AFF2: variants seen among roughly 807,000 people sequenced by gnomAD.
The protein encoded by AFF2 is ALF transcription elongation factor 2.
A neutral mutation model predicts 76.9 loss-of-function variants in AFF2; 14 were observed. The observed-to-expected ratio is 0.18, with a 90% CI of 0.12 to 0.28. The LOEUF (loss-of-function observed/expected upper bound fraction) is 0.28, where lower values mean the gene tolerates loss of function less well. Ranked by LOEUF, AFF2 falls within the 10% of genes least tolerant of loss-of-function variation. The pLI is 1.00. For synonymous variants in AFF2, 398 were observed against 366.7 expected, an observed-to-expected ratio of 1.09 and a Z score of -0.98; for missense variants, 868 against 1,001.1, an observed-to-expected ratio of 0.87 and a Z score of 1.79.
chrX:148,901,404 T>C (rs2071353294), intron 8 of AFF2, among the ~76,000 whole-genome samples: 1 of 112,572 alleles, frequency 8.9e-6, no homozygotes, highest in Admixed American at 9.4e-5. Flanking sequence ...ATAGACGTTA[T>C]AAATTAAAGC....
chrX:148,940,830 G>A (rs1265069412), intron 9 of AFF2, among the ~76,000 whole-genome samples: 2 of 111,525 alleles, frequency 1.8e-5, no homozygotes, highest in African/African-American at 6.5e-5. Flanking sequence ...TATCAAATGA[G>A]TTCCCCTAAC....
At chrX:148,635,117 G>A (rs2054017985) in intron 1 of AFF2, among the ~76,000 whole-genome samples, 1 of 111,224 alleles carries the variant, frequency 9.0e-6, no homozygotes, top group South Asian at 3.8e-4. Flanking sequence ...AACACAAAAG[G>A]GACTTTGCAG....
chrX:148,772,573 T>C (rs1374952458), intron 3 of AFF2, among the ~76,000 whole-genome samples: 2 of 102,315 alleles, frequency 2.0e-5, no homozygotes, highest in African/African-American at 7.1e-5. Flanking sequence ...GAGCCCCCTA[T>C]GATTTTCAGG....
At chrX:148,772,933 A>G (rs1365043043) in intron 3 of AFF2, among the ~76,000 whole-genome samples, 1 of 111,076 alleles carries the variant, frequency 9.0e-6, no homozygotes, top group Non-Finnish European at 1.9e-5. Flanking sequence ...GGAACAACAC[A>G]CACCAGGACC....
intron 7 of AFF2, among the ~76,000 whole-genome samples, chrX:148,880,061 C>G (rs1355983377): frequency 8.9e-6 from 1 of 112,260 alleles, no homozygotes; most frequent in Non-Finnish European, 1.9e-5. Flanking sequence ...GGCTAGGGGT[C>G]CACCCCTGAT....
intron 3 of AFF2, among the ~76,000 whole-genome samples, chrX:148,719,932 A>G (rs1200999955): frequency 1.8e-5 from 2 of 111,468 alleles, no homozygotes; most frequent in African/African-American, 6.5e-5. Flanking sequence ...ATGGGTATGT[A>G]GAATGCTAAA....
chrX:148,887,852 A>C (rs2071177032), intron 8 of AFF2, among the ~76,000 whole-genome samples: 1 of 111,938 alleles, frequency 8.9e-6, no homozygotes, highest in African/African-American at 3.2e-5. Context: ...AACATTTGCA[A>C]ATGAACCCTC....
chrX:148,913,385 A>G (rs1273686271), intron 9 of AFF2, among the ~76,000 whole-genome samples: 1 of 112,641 alleles, frequency 8.9e-6, no homozygotes, highest in African/African-American at 3.2e-5. Context: ...AAATTAATGA[A>G]TCATCAGATT....
At chrX:148,785,762 C>A (rs2069811511) in intron 3 of AFF2, among the ~76,000 whole-genome samples, 1 of 112,203 alleles carries the variant, frequency 8.9e-6, no homozygotes, top group Non-Finnish European at 1.9e-5. Context: ...AATTAATTAG[C>A]ACTGGCTTGG....
chrX:148,919,538 C>CAT (rs1177667394), intron 9 of AFF2, among the ~76,000 whole-genome samples: 1 of 109,098 alleles, frequency 9.2e-6, no homozygotes, highest in Non-Finnish European at 1.9e-5. Flanking sequence ...AAAATTTTTA[C>CAT]ATATATATAT....
chrX:148,588,490 T>C (rs1165839759), intron 1 of AFF2, among the ~76,000 whole-genome samples: 1 of 112,476 alleles, frequency 8.9e-6, no homozygotes. Flanking sequence ...AAGATCATAT[T>C]GAGTTTGCGG....
At chrX:148,628,919 A>G (rs1262643192) in intron 1 of AFF2, among the ~76,000 whole-genome samples, 1 of 112,100 alleles carries the variant, frequency 8.9e-6, no homozygotes, top group African/African-American at 3.2e-5. Context: ...GGCATTGCCC[A>G]TAGGAGTGAG....
At chrX:148,647,613 C>T (rs1041221912) in intron 1 of AFF2, among the ~76,000 whole-genome samples, 3 of 111,271 alleles carry the variant, frequency 2.7e-5, no homozygotes, top group Admixed American at 9.6e-5. Context: ...AAAATGCAGT[C>T]CTAAGGAAAG....
At chrX:148,935,763 A>G (rs1042383442) in intron 9 of AFF2, among the ~76,000 whole-genome samples, 3 of 111,982 alleles carry the variant, frequency 2.7e-5, no homozygotes, top group Non-Finnish European at 5.6e-5. Context: ...AAAGGCAGAT[A>G]TAAAGGCAAA....
At chrX:148,646,032 C>CA (rs1331811276) in intron 1 of AFF2, among the ~76,000 whole-genome samples, 8 of 111,890 alleles carry the variant, frequency 7.1e-5, no homozygotes, top group African/African-American at 2.0e-4. Flanking sequence ...AGGCCATGCA[C>CA]AAAAAACCAC....
intron 10 of AFF2, 73 bp from the exon 11 acceptor site, chrX:148,955,530 C>A: frequency 1.8e-6 from 2 of 1,081,322 alleles, no homozygotes; most frequent in Non-Finnish European, 2.5e-6. Context: ...TAGTAGTAGT[C>A]TCTGTACTCA....
intron 9 of AFF2, among the ~76,000 whole-genome samples, chrX:148,911,819 G>T (rs1345749888): frequency 1.8e-5 from 2 of 112,336 alleles, no homozygotes; most frequent in African/African-American, 6.5e-5. Context: ...GTTGTGGATA[G>T]TAATGTGGCA....
intron 3 of AFF2, among the ~76,000 whole-genome samples, chrX:148,689,483 T>A (rs1557260586): frequency 3.7e-5 from 4 of 109,000 alleles, no homozygotes. Flanking sequence ...CCTCCTGGAG[T>A]GTCTGTGGTT....
At position 148,523,325 on chromosome X, in the gene AFF2, T is replaced by A. The variant is rs956413359; in HGVS notation, c.47+22181T>A. ...ACATATACATGTACATATACCCCAT[T>A]CATGTAATTAAACAGATTCATCAAA... On this transcript the variant is annotated intron_variant, in intron 1 of 20. Coordinates refer to ENST00000370460, the MANE Select transcript of AFF2 (RefSeq NM_002025.4). 4.5e-5 allele frequency among the ~76,000 whole-genome samples: 5 copies of A among 112,332 alleles called. No individual in the cohort carries two copies. In the South Asian group the frequency reaches 1.1e-3, roughly 25 times the overall value.
Sources: gnomAD v4.1 joint callset for allele counts (sites outside exome capture counted in the v4.1 genomes callset) on GRCh38, gnomAD v4.1.1 for gene constraint, MANE v1.5 for transcripts, NCBI Gene and HGNC (gene_info 2026-07-23, HGNC 2026-07-21) for gene names.